The following MYRFL variants were observed in gnomAD, a reference collection of about 807,000 sequenced individuals.
The protein encoded by MYRFL is myelin regulatory factor-like protein.
A neutral mutation model predicts 109.4 loss-of-function variants in MYRFL; 88 were observed. The ratio of observed to expected loss-of-function variants is 0.80; its 90% CI spans 0.68 to 0.96. The LOEUF is 0.96. Ranked by LOEUF, MYRFL falls within the 40% of genes least tolerant of loss-of-function variation. MYRFL has a pLI of 0.00. For missense variants in MYRFL, 957 were observed against 954.9 expected, an observed-to-expected ratio of 1.00 and a Z score of -0.03; for synonymous variants, 324 against 320.9, an observed-to-expected ratio of 1.01 and a Z score of -0.10.
chr12:69,919,743 G>GCAAT (rs1954848093), intron 13 of MYRFL, among the ~76,000 whole-genome samples: 1 of 152,126 alleles, frequency 6.6e-6, no homozygotes, highest in African/African-American at 2.4e-5. Flanking sequence ...TCTCCCGTTG[G>GCAAT]CAATCATTTT....
At chr12:69,942,605 A>T (rs1016918675) in intron 19 of MYRFL, among the ~76,000 whole-genome samples, 1 of 149,212 alleles carries the variant, frequency 6.7e-6, no homozygotes, top group Non-Finnish European at 1.5e-5. Flanking sequence ...AACTGGAAGC[A>T]TTCCCTTTGA....
At chr12:69,896,713 G>T (rs1005957535) in intron 9 of MYRFL, among the ~76,000 whole-genome samples, 17 of 152,290 alleles carry the variant, frequency 1.1e-4, no homozygotes, top group African/African-American at 3.4e-4. Context: ...CTCCATTAAG[G>T]CCCAGGCCAT....
chr12:69,896,959 A>G (rs1233047351), intron 9 of MYRFL, among the ~76,000 whole-genome samples, 197 bp from the exon 10 acceptor site: 2 of 152,244 alleles, frequency 1.3e-5, no homozygotes, highest in African/African-American at 4.8e-5. Flanking sequence ...GAGCTGACCC[A>G]TAACAATAGC....
intron 15 of MYRFL, among the ~76,000 whole-genome samples, chr12:69,931,430 C>T (rs75951816): frequency 1.3e-5 from 2 of 152,136 alleles, no homozygotes; most frequent in Admixed American, 1.3e-4. Flanking sequence ...CCCTAAGGGT[C>T]TGTGTACTTG....
At chr12:69,851,624 C>T (rs1240664496) in intron 1 of MYRFL, among the ~76,000 whole-genome samples, 2 of 152,182 alleles carry the variant, frequency 1.3e-5, no homozygotes, top group Non-Finnish European at 2.9e-5. Context: ...TATTATCCTT[C>T]TGATGTAAGG....
chr12:69,840,193 A>G (rs1883165628), intron 1 of MYRFL, among the ~76,000 whole-genome samples: 1 of 152,196 alleles, frequency 6.6e-6, no homozygotes, highest in South Asian at 2.1e-4. Context: ...ACTATATTGT[A>G]CCTTGCCCAC....
intron 2 of MYRFL, among the ~76,000 whole-genome samples, chr12:69,870,227 AT>A (rs71094744): frequency 0.32 from 35,553 of 110,344 alleles, 5,536 homozygotes; most frequent in East Asian, 0.44. Context: ...CGTCTGGCTA[AT>A]TTTTTTTTTT....
intron 11 of MYRFL, chr12:69,904,297 T>G: frequency 6.5e-6 from 1 of 153,690 alleles, no homozygotes; most frequent in African/African-American, 2.4e-5. Context: ...GGCCATTATC[T>G]TCCCCAGGCA....
chr12:69,831,082 T>C (rs1396798175), intron 1 of MYRFL, among the ~76,000 whole-genome samples: 1 of 152,190 alleles, frequency 6.6e-6, no homozygotes, highest in Non-Finnish European at 1.5e-5. Flanking sequence ...GTGTTCAGTT[T>C]GGTGTGTATC....
intron 16 of MYRFL, 59 bp from the exon 17 acceptor site, chr12:69,936,054 C>T: frequency 1.4e-6 from 2 of 1,474,188 alleles, no homozygotes; most frequent in African/African-American, 1.5e-5. Flanking sequence ...TGAGATATAT[C>T]TGGAAACAAA....
chr12:69,897,263 G>T lies in MYRFL; in HGVS notation c.1182+17G>T, dbSNP rs1484848416. Reference sequence around the variant, plus strand: ...ATTGTAAGGGTAAGCTCAGTTCTCTGACTTTTCTGGATCTCACATGCTTTC... The same window carrying T: ...ATTGTAAGGGTAAGCTCAGTTCTCTTACTTTTCTGGATCTCACATGCTTTC... On this transcript the variant is annotated intron_variant, in intron 10 of 24. Transcript: ENST00000552032. The T allele has an allele frequency of 2.6e-6, 4 of 1,522,366 alleles. No homozygotes were observed. The highest frequency in any genetic ancestry group is 3.5e-6 in the Non-Finnish European group (4 of 1,134,578). The allele number at this position is 1,522,366 out of a possible 1,614,324, so 94.3% of individuals were successfully genotyped here.
intron 2 of MYRFL, among the ~76,000 whole-genome samples, chr12:69,875,780 T>TC (rs1009863256): frequency 1.3e-5 from 2 of 152,090 alleles, no homozygotes; most frequent in Non-Finnish European, 2.9e-5. Flanking sequence ...CCCGAAACCA[T>TC]CCCCCGCCCC....
chr12:69,958,157 A>G (rs1274320472), intron 23 of MYRFL, 92 bp from the exon 24 acceptor site: 2 of 1,231,338 alleles, frequency 1.6e-6, no homozygotes, highest in African/African-American at 1.5e-5. Context: ...CTTCTCCTAC[A>G]GTCATTGAGG....
intron 2 of MYRFL, among the ~76,000 whole-genome samples, chr12:69,875,129 A>AT (rs61391400): frequency 0.94 from 140,763 of 149,236 alleles, 66,421 homozygotes; most frequent in East Asian, 0.96. Context: ...TTATATCTTA[A>AT]TTTTTTTTTC....
At position 69,879,185 on chromosome 12, in the gene MYRFL, C is replaced by A. The variant is rs868487822; in HGVS notation, c.206-10C>A. The stretch of plus-strand genomic sequence containing the variant: ...AGAAAGGGGCACTTCCTGCTTGTGT[C>A]TCTCCCCAGGTGCATGCTACCCAAC... On this transcript the variant is annotated splice_polypyrimidine_tract_variant and intron_variant, in intron 3 of 24. Coordinates refer to ENST00000552032, the MANE Select transcript of MYRFL (RefSeq NM_182530.3). 1 of 702,748 alleles carries A rather than the reference C, an allele frequency of 1.4e-6. No individual in the cohort carries two copies. The highest frequency in any genetic ancestry group is 2.0e-5 in the Admixed American group (1 of 50,014). 43.5% of individuals were successfully genotyped at this position (702,748 alleles called of 1,614,324 possible).
At chr12:69,931,836 T>C (rs991797506) in intron 15 of MYRFL, among the ~76,000 whole-genome samples, 1 of 152,232 alleles carries the variant, frequency 6.6e-6, no homozygotes, top group Non-Finnish European at 1.5e-5. Flanking sequence ...TATACCAATA[T>C]GTATCAGTCC....
At chr12:69,955,305 C>G (rs1592905491) in intron 21 of MYRFL, 58 bp from the exon 22 acceptor site, 3 of 572,428 alleles carry the variant, frequency 5.2e-6, no homozygotes, top group Admixed American at 6.6e-5. Flanking sequence ...AGCAAAAAGG[C>G]CTTCGAAGAC....
rs1885036309 is a variant in MYRFL at position 69,866,684 on chromosome 12, C to T, written c.137+11314C>T. Among the ~76,000 whole-genome samples, 3 of 152,134 alleles carry T rather than the reference C, an allele frequency of 2.0e-5. No individual in the cohort carries two copies. The South Asian group carries it at 6.2e-4, about 32-fold the overall frequency. On this transcript the variant is annotated intron_variant, in intron 2 of 24. Transcript: ENST00000552032. ...CCCTTTATCTCAAAAACCTAAGAGA[C>T]CACTGGGCTGCAAAATTTCTGAGAG...
intron 2 of MYRFL, among the ~76,000 whole-genome samples, chr12:69,863,398 T>G (rs1490078570): frequency 1.3e-5 from 2 of 152,188 alleles, no homozygotes; most frequent in Non-Finnish European, 2.9e-5. Flanking sequence ...TTTTGGTTGG[T>G]AAGCTATTGA....
Sources: gnomAD v4.1 joint callset for allele counts (sites outside exome capture counted in the v4.1 genomes callset) on GRCh38, gnomAD v4.1.1 for gene constraint, MANE v1.5 for transcripts, NCBI Gene and HGNC (gene_info 2026-07-23, HGNC 2026-07-21) for gene names.